Variants in ERICH1 observed in about 807,000 individuals in gnomAD.
ERICH1 encodes the protein glutamate-rich protein 1.
ERICH1 carries 56 observed loss-of-function variants against 39.6 expected under a neutral mutation model. The observed-to-expected ratio is 1.41, with a 90% CI of 1.14 to 1.77. The LOEUF is 1.77. ERICH1 is among the 40% of genes most tolerant of loss of function. The probability of loss-of-function intolerance (pLI) is 0.00; values close to 1 mark genes in which losing one functional copy is unlikely to be tolerated. For synonymous variants in ERICH1, 313 were observed against 223.6 expected (o/e 1.40, Z -3.57); for missense variants, 826 against 575.4 (o/e 1.44, Z -4.45).
intron 3 of ERICH1, among the ~76,000 whole-genome samples, chr8:641,896 C>G (rs1799033449): frequency 6.6e-6 from 1 of 152,248 alleles, no homozygotes; most frequent in South Asian, 2.1e-4. Context: ...TCTTCTGACC[C>G]CATCTCGTCC....
intron 3 of ERICH1, among the ~76,000 whole-genome samples, chr8:675,744 G>GGCAC (rs1804578731): frequency 3.2e-4 from 1 of 3,170 alleles, no homozygotes; most frequent in African/African-American, 1.4e-3. Flanking sequence ...TGAGGACAGA[G>GGCAC]ACGCGGCGGC....
chr8:687,817 G>C (rs1807820752), intron 3 of ERICH1, among the ~76,000 whole-genome samples: 1 of 152,184 alleles, frequency 6.6e-6, no homozygotes, highest in South Asian at 2.1e-4. Flanking sequence ...AGGAATCGGG[G>C]GCGAGGCGCG....
At chr8:713,379 G>A (rs1433846501) in intron 2 of ERICH1, among the ~76,000 whole-genome samples, 1 of 152,218 alleles carries the variant, frequency 6.6e-6, no homozygotes, top group African/African-American at 2.4e-5. Flanking sequence ...TAATTGGAAC[G>A]TTATCCTACT....
At chr8:615,544 T>C (rs1178324569) in intron 3 of ERICH1, 2 of 397,586 alleles carry the variant, frequency 5.0e-6, no homozygotes, top group Non-Finnish European at 8.9e-6. Flanking sequence ...CAGTGTTGAT[T>C]ACGGAGGTGA....
intron 3 of ERICH1, among the ~76,000 whole-genome samples, chr8:630,085 CACAG>C (rs1362279889): frequency 3.6e-4 from 47 of 131,224 alleles, no homozygotes; most frequent in African/African-American, 1.2e-3. Context: ...TGAGCACCCA[CACAG>C]ACAGAGCTGA....
At chr8:625,218 A>G (rs1184148051) in intron 3 of ERICH1, among the ~76,000 whole-genome samples, 7 of 152,220 alleles carry the variant, frequency 4.6e-5, no homozygotes, top group African/African-American at 1.4e-4. Context: ...CCAAAAGCAG[A>G]AACAACCCAA....
intron 3 of ERICH1, among the ~76,000 whole-genome samples, chr8:634,183 A>AAAAAAAAAAAAACAAACAAAAAACAAAC (rs1554481909): frequency 7.4e-6 from 1 of 135,808 alleles, no homozygotes; most frequent in Non-Finnish European, 1.5e-5. Context: ...AAAAAAAAAA[A>AAAAAAAAAAAAACAAACAAAAAACAAAC]AAACAAACAA....
chr8:702,359 C>T (rs1440459440), intron 2 of ERICH1, among the ~76,000 whole-genome samples: 1 of 152,158 alleles, frequency 6.6e-6, no homozygotes, highest in Non-Finnish European at 1.5e-5. Flanking sequence ...AGTGAGCACA[C>T]AGCGGCACAG....
intron 2 of ERICH1, among the ~76,000 whole-genome samples, chr8:706,342 C>T (rs569325145): frequency 2.6e-4 from 39 of 152,298 alleles, no homozygotes; most frequent in African/African-American, 9.4e-4. Flanking sequence ...AAACACTGAA[C>T]ATTCCCAAAA....
At chr8:701,635 T>C (rs535966535) in intron 2 of ERICH1, among the ~76,000 whole-genome samples, 14 of 152,306 alleles carry the variant, frequency 9.2e-5, no homozygotes, top group African/African-American at 3.4e-4. Context: ...GAGCAAACAC[T>C]GTCTATGATA....
downstream of ERICH1, among the ~76,000 whole-genome samples, chr8:660,114 G>A (rs1010805680): frequency 4.7e-5 from 7 of 148,554 alleles, no homozygotes; most frequent in East Asian, 5.8e-4. Flanking sequence ...GGCCTTCCCC[G>A]ACTCTCCCCC....
At chr8:656,971 GCAAA>G (rs1800740657) in intron 3 of ERICH1, 1 of 482,070 alleles carries the variant, frequency 2.1e-6, no homozygotes, top group African/African-American at 2.1e-5. Flanking sequence ...ATTTTTAAGA[GCAAA>G]CAATTTTACT....
At chr8:706,097 C>G (rs968790077) in intron 2 of ERICH1, among the ~76,000 whole-genome samples, 1 of 151,690 alleles carries the variant, frequency 6.6e-6, no homozygotes, top group Admixed American at 6.6e-5. Context: ...CTGGGAGCAA[C>G]AGGCTGTGCC....
At chr8:712,306 T>G (rs1459242765) in intron 2 of ERICH1, among the ~76,000 whole-genome samples, 1 of 152,232 alleles carries the variant, frequency 6.6e-6, no homozygotes, top group East Asian at 1.9e-4. Flanking sequence ...ATTTTTAGTC[T>G]TCTTTGATTT....
chr8:656,671 C>T, intron 3 of ERICH1: 4 of 894,858 alleles, frequency 4.5e-6, no homozygotes, highest in Non-Finnish European at 5.4e-6. Flanking sequence ...GGCTTACTTG[C>T]CTCTGGGAAT....
chr8:637,065 C>G (rs1010788824), intron 3 of ERICH1, among the ~76,000 whole-genome samples: 1 of 152,228 alleles, frequency 6.6e-6, no homozygotes, highest in South Asian at 2.1e-4. Flanking sequence ...GTGCAGTGAC[C>G]ACACCAGGGC....
chr8:697,520 A>G (rs969847201), intron 2 of ERICH1, among the ~76,000 whole-genome samples: 3 of 152,136 alleles, frequency 2.0e-5, no homozygotes, highest in Non-Finnish European at 4.4e-5. Flanking sequence ...GCAGGTCCCC[A>G]GCCCCAGGCG....
intron 1 of ERICH1, among the ~76,000 whole-genome samples, chr8:723,976 G>A (rs994524198): frequency 3.9e-5 from 6 of 152,136 alleles, no homozygotes; most frequent in East Asian, 3.8e-4. Flanking sequence ...GAGGAGTTTC[G>A]TAACAGAATG....
At chr8:660,837 G>A (rs1030144556), downstream of ERICH1, among the ~76,000 whole-genome samples, 10 of 152,140 alleles carry the variant, frequency 6.6e-5, no homozygotes, top group East Asian at 1.9e-4. Context: ...TCTCGTTGCC[G>A]GCCATGAGCT....
Sources: allele counts gnomAD v4.1 joint callset (sites outside exome capture counted in the v4.1 genomes callset), GRCh38; gene constraint gnomAD v4.1.1; transcripts MANE v1.5; gene names NCBI Gene and HGNC (gene_info 2026-07-23, HGNC 2026-07-21).